Variants in HDHD2 observed in about 807,000 individuals in gnomAD.
HDHD2 encodes haloacid dehalogenase-like hydrolase domain-containing protein 2.
In HDHD2, 26 loss-of-function variants were observed where a neutral mutation model predicts 24.8. The ratio of observed to expected loss-of-function variants is 1.05; its 90% CI spans 0.77 to 1.45. The LOEUF (loss-of-function observed/expected upper bound fraction) is 1.45. Ranked by LOEUF, HDHD2 falls within the 40% of genes most tolerant of loss-of-function variation. The pLI, the probability that HDHD2 is intolerant of heterozygous loss-of-function variation, is 0.00. For synonymous variants in HDHD2, 128 were observed against 114.9 expected, an observed-to-expected ratio of 1.11 and a Z score of -0.73; for missense variants, 299 against 313.4, an observed-to-expected ratio of 0.95 and a Z score of 0.35.
chr18:47,122,707 C>T (rs1383001527), intron 4 of HDHD2, among the ~76,000 whole-genome samples: 2 of 152,174 alleles, frequency 1.3e-5, no homozygotes, highest in Admixed American at 6.5e-5. Flanking sequence ...CAATGTCACA[C>T]TGGCACAGTA....
intron 4 of HDHD2, among the ~76,000 whole-genome samples, chr18:47,121,854 G>A (rs1372540253): frequency 6.6e-6 from 1 of 151,982 alleles, no homozygotes; most frequent in African/African-American, 2.4e-5. Flanking sequence ...TCCTGAAATG[G>A]TTCCCCATAC....
At chr18:47,148,601 A>C (rs1166737192) in intron 1 of HDHD2, among the ~76,000 whole-genome samples, 2 of 152,220 alleles carry the variant, frequency 1.3e-5, no homozygotes, top group Non-Finnish European at 2.9e-5. Flanking sequence ...GGGGCATCTC[A>C]ATCCAAGTCC....
chr18:47,137,668 T>C (rs561008838), intron 1 of HDHD2, among the ~76,000 whole-genome samples: 2 of 152,294 alleles, frequency 1.3e-5, no homozygotes, highest in South Asian at 2.1e-4. Flanking sequence ...AAAAACCCCA[T>C]AAAAATCCCT....
In HDHD2 at chr18:47,108,763, T is replaced by C; in HGVS notation, c.699A>G (p.Glu233=). Reference sequence around the variant, plus strand: ...AGTAAGGAGGTGGATTAATTTTTTCTTCATCTGATGCTCGATATTTCCCTG... The same window carrying C: ...AGTAAGGAGGTGGATTAATTTTTTCCTCATCTGATGCTCGATATTTCCCTG... The part of the protein sequence containing the change: ...VKTGKYRASD[E]EKINPPPYLT... Residue 233 remains glutamate, a synonymous_variant, in exon 7 of 7, where the codon GAA becomes GAG. Transcript: ENST00000300605. The C allele has an allele frequency of 6.2e-7, 1 of 1,608,200 alleles. No homozygotes were observed. The highest frequency in any genetic ancestry group is 8.5e-7 in the Non-Finnish European group (1 of 1,175,214).
intron 1 of HDHD2, among the ~76,000 whole-genome samples, chr18:47,142,293 T>C (rs116155336): frequency 1.3e-5 from 2 of 151,512 alleles, no homozygotes; most frequent in African/African-American, 2.4e-5. Flanking sequence ...AAAAAAAAGT[T>C]TGTAGAAAAA....
At chr18:47,135,572 A>G (rs2063758151) in intron 2 of HDHD2, among the ~76,000 whole-genome samples, 1 of 152,142 alleles carries the variant, frequency 6.6e-6, no homozygotes, top group Admixed American at 6.5e-5. Flanking sequence ...ATGAGTCACT[A>G]GATTTTCTGA....
intron 4 of HDHD2, among the ~76,000 whole-genome samples, chr18:47,124,127 C>T (rs1408984887): frequency 6.6e-6 from 1 of 152,192 alleles, no homozygotes; most frequent in East Asian, 1.9e-4. Context: ...TAAAAATGAA[C>T]TTCTATTTCA....
intron 1 of HDHD2, chr18:47,137,195 T>C: frequency 4.4e-6 from 3 of 677,610 alleles, no homozygotes; most frequent in Admixed American, 3.6e-5. Context: ...GCAGATGAGA[T>C]TCCAATTTGA....
intron 4 of HDHD2, among the ~76,000 whole-genome samples, chr18:47,122,050 T>C (rs974097257): frequency 1.3e-5 from 2 of 152,186 alleles, no homozygotes; most frequent in Non-Finnish European, 2.9e-5. Flanking sequence ...TTGTGTTTGG[T>C]CTGTCTTCCT....
At chr18:47,133,897 T>C (rs139981471) in intron 3 of HDHD2, among the ~76,000 whole-genome samples, 2,483 of 152,324 alleles carry the variant, frequency 0.016, 65 homozygotes, top group African/African-American at 0.057. Flanking sequence ...GATGAGCAGA[T>C]TGCAAAAATT....
chr18:47,116,330 C>T (rs905767778), intron 4 of HDHD2, among the ~76,000 whole-genome samples: 3 of 152,162 alleles, frequency 2.0e-5, no homozygotes, highest in Non-Finnish European at 4.4e-5. Context: ...TCATCTACTT[C>T]GTTAAAATAT....
Position 47,130,198 on chromosome 18 carries a change from G to A in HDHD2, c.395+46C>T, listed in dbSNP as rs778439061. The A allele has an allele frequency of 7.6e-6, 9 of 1,176,894 alleles. No homozygotes were observed. The Admixed American group carries it at 1.4e-4, about 19-fold the overall frequency. The allele number at this position is 1,176,894 out of a possible 1,614,324, so 72.9% of individuals were successfully genotyped here. A position where few individuals can be genotyped will look rare whatever the true frequency, so the allele number is the denominator to read the frequency against. The stretch of plus-strand genomic sequence containing the variant: ...CATGACAATGACAAAAGGAAAGGAA[G>A]AAGGGAACTATTATGATCAGATGAA... On this transcript the variant is annotated intron_variant, in intron 4 of 6. Coordinates refer to ENST00000300605, the MANE Select transcript of HDHD2 (RefSeq NM_032124.5).
At chr18:47,145,405 T>C (rs2063859417) in intron 1 of HDHD2, among the ~76,000 whole-genome samples, 1 of 152,184 alleles carries the variant, frequency 6.6e-6, no homozygotes, top group African/African-American at 2.4e-5. Flanking sequence ...ATTAAAATGG[T>C]GTGGTATTAG....
intron 4 of HDHD2, among the ~76,000 whole-genome samples, chr18:47,116,290 A>C (rs1397873349): frequency 2.0e-5 from 3 of 152,202 alleles, no homozygotes; most frequent in African/African-American, 7.2e-5. Context: ...CAATGTAATA[A>C]ATGATCTCAC....
At position 47,111,699 on chromosome 18, in the gene HDHD2, G is replaced by A. The variant is rs114458247; in HGVS notation, c.676+1278C>T. 1,525 of 985,362 alleles carry A rather than the reference G, an allele frequency of 1.5e-3. 16 individuals carry two copies. In the East Asian group the frequency reaches 0.025, roughly 16 times the overall value. The allele number at this position is 985,362 out of a possible 1,614,324, so 61.0% of individuals were successfully genotyped here. A position where few individuals can be genotyped will look rare whatever the true frequency, so the allele number is the denominator to read the frequency against. On this transcript the variant is annotated intron_variant, in intron 6 of 6. Coordinates refer to ENST00000300605, the MANE Select transcript of HDHD2 (RefSeq NM_032124.5). ...CTCCAATGGTTCACTTCAGGCCCCAGGAGCAAGCAGACAGTGTTTTCACTC... is the reference window on the plus strand; with the variant it reads ...CTCCAATGGTTCACTTCAGGCCCCAAGAGCAAGCAGACAGTGTTTTCACTC...
intron 5 of HDHD2, among the ~76,000 whole-genome samples, chr18:47,113,988 C>G (rs927642621): frequency 6.6e-6 from 1 of 152,150 alleles, no homozygotes; most frequent in Non-Finnish European, 1.5e-5. Flanking sequence ...AACAGCCCCC[C>G]ATGCAGCACA....
rs536948621 is a variant in HDHD2 at position 47,137,106 on chromosome 18, T to C, written c.-10-657A>G. On this transcript the variant is annotated intron_variant, in intron 1 of 6. Coordinates refer to ENST00000300605, the MANE Select transcript of HDHD2 (RefSeq NM_032124.5). The stretch of plus-strand genomic sequence containing the variant: ...GTGGCAGGGCAGAATGGTTCTGTGG[T>C]GCAGTTTAAGATTAAGAGGCATACA... 463 of 731,622 alleles carry C rather than the reference T, an allele frequency of 6.3e-4. 2 individuals carry two copies. Among genetic ancestry groups the C allele is most frequent in the Non-Finnish European group, 9.9e-4 (388 of 390,330 alleles). The allele number at this position is 731,622 out of a possible 1,614,324, so 45.3% of individuals were successfully genotyped here. A position where few individuals can be genotyped will look rare whatever the true frequency, so the allele number is the denominator to read the frequency against.
intron 3 of HDHD2, 60 bp from the exon 4 acceptor site, chr18:47,130,388 A>T (rs78904615): frequency 0.08 from 92,514 of 1,153,780 alleles, 4,266 homozygotes; most frequent in East Asian, 0.17. Context: ...GTCACATTTT[A>T]AAAAAGTAGT....
rs556946318 is a variant in HDHD2, at chr18:47,127,861, A to T, written c.395+2383T>A. On this transcript the variant is annotated intron_variant, in intron 4 of 6. Transcript: ENST00000300605. ...TGCAGCATAATGTGAAGTTTGATGT[A>T]TCTGCCTTGATGTAACATGCCTCTG... 4.0e-4 allele frequency among the ~76,000 whole-genome samples: 61 copies of T among 152,356 alleles called. No individual in the cohort carries two copies. The East Asian group carries it at 6.7e-3, about 17-fold the overall frequency.
Sources: allele counts gnomAD v4.1 joint callset (sites outside exome capture counted in the v4.1 genomes callset), GRCh38; gene constraint gnomAD v4.1.1; transcripts MANE v1.5; gene names NCBI Gene and HGNC (gene_info 2026-07-23, HGNC 2026-07-21).